Variants in ZFAND1 observed in about 807,000 individuals in gnomAD.
The protein encoded by ZFAND1 is AN1-type zinc finger protein 1.
A neutral mutation model predicts 38.5 loss-of-function variants in ZFAND1; 40 were observed. The ratio of observed to expected loss-of-function variants is 1.04; its 90% confidence interval spans 0.81 to 1.35. ZFAND1 has a LOEUF of 1.35. ZFAND1 is among the 40% of genes most tolerant of loss of function. The pLI is 0.00. For missense variants in ZFAND1, 346 were observed against 316.3 expected (o/e 1.09, Z -0.71); for synonymous variants, 117 against 103.6 (o/e 1.13, Z -0.78).
chr8:81,711,081 C>A (rs1368975470), intron 6 of ZFAND1, among the ~76,000 whole-genome samples: 1 of 152,106 alleles, frequency 6.6e-6, no homozygotes, highest in African/African-American at 2.4e-5. Context: ...AATAAAGACA[C>A]CAAATAAGTA....
intron 6 of ZFAND1, among the ~76,000 whole-genome samples, chr8:81,704,682 C>G (rs1335170285): frequency 6.6e-6 from 1 of 151,838 alleles, no homozygotes; most frequent in East Asian, 1.9e-4. Flanking sequence ...TTTGGCATAA[C>G]AGGAGCATCT....
At chr8:81,720,709 C>T (rs1042935493) in intron 1 of ZFAND1, 1 of 155,580 alleles carries the variant, frequency 6.4e-6, no homozygotes, top group African/African-American at 2.4e-5. Flanking sequence ...AGTGGCAAAG[C>T]CAAAAGACAA....
chr8:81,708,793 T>A (rs903400245), intron 6 of ZFAND1: 6 of 1,263,038 alleles, frequency 4.8e-6, no homozygotes, highest in East Asian at 1.2e-4. Context: ...CTTACCAAGT[T>A]AGTGCTCTTA....
At chr8:81,714,228 A>G in intron 5 of ZFAND1, 189 bp from the exon 6 acceptor site, 2 of 538,276 alleles carry the variant, frequency 3.7e-6, no homozygotes, top group Non-Finnish European at 6.1e-6. Context: ...AGATTGATCT[A>G]GGCAATCTCC....
chr8:81,703,900 G>A (rs1807888368), intron 6 of ZFAND1, among the ~76,000 whole-genome samples: 1 of 152,112 alleles, frequency 6.6e-6, no homozygotes, highest in South Asian at 2.1e-4. Flanking sequence ...CATAATCTGA[G>A]TTCCTGAATT....
chr8:81,719,882 T>C (rs1808424198), intron 1 of ZFAND1, among the ~76,000 whole-genome samples: 1 of 152,130 alleles, frequency 6.6e-6, no homozygotes, highest in Non-Finnish European at 1.5e-5. Flanking sequence ...TAGACACACA[T>C]AATTCACAGT....
At chr8:81,707,533 T>G (rs1283411895) in intron 6 of ZFAND1, among the ~76,000 whole-genome samples, 1 of 152,200 alleles carries the variant, frequency 6.6e-6, no homozygotes, top group African/African-American at 2.4e-5. Flanking sequence ...TGCCCCATTA[T>G]GATAACCTAT....
At chr8:81,713,828 G>A (rs1563608094) in intron 6 of ZFAND1, 90 bp downstream of exon 6, 1 of 1,273,220 alleles carries the variant, frequency 7.9e-7, no homozygotes, top group Non-Finnish European at 1.1e-6. Flanking sequence ...CCAGGTTTAG[G>A]TTAGTTGTTA....
intron 6 of ZFAND1, among the ~76,000 whole-genome samples, chr8:81,705,511 A>T (rs975189563): frequency 3.9e-5 from 6 of 152,358 alleles, no homozygotes; most frequent in African/African-American, 1.4e-4. Flanking sequence ...TTCTGGAGTA[A>T]AACATTCAAA....
At chr8:81,710,999 C>T (rs1176561780) in intron 6 of ZFAND1, among the ~76,000 whole-genome samples, 1 of 152,058 alleles carries the variant, frequency 6.6e-6, no homozygotes, top group Non-Finnish European at 1.5e-5. Flanking sequence ...ATAATTGGTA[C>T]AATTGGGTAA....
At chr8:81,720,341 T>C (rs1004351673) in intron 1 of ZFAND1, among the ~76,000 whole-genome samples, 8 of 152,168 alleles carry the variant, frequency 5.3e-5, no homozygotes, top group Non-Finnish European at 1.2e-4. Flanking sequence ...TGCCATATTA[T>C]TAACTAATTC....
At chr8:81,720,818 G>C (rs1054014665) in intron 1 of ZFAND1, 23 of 261,406 alleles carry the variant, frequency 8.8e-5, no homozygotes, top group Non-Finnish European at 1.5e-4. Context: ...GCTCGGACAC[G>C]GCACACTCGA....
intron 6 of ZFAND1, among the ~76,000 whole-genome samples, chr8:81,703,949 T>C (rs1818351128): frequency 6.6e-6 from 1 of 152,204 alleles, no homozygotes; most frequent in South Asian, 2.1e-4. Context: ...TTCCCCATTA[T>C]ATGAGGAAAA....
Position 81,702,769 on chromosome 8 carries a change from C to A in ZFAND1, c.733G>T (p.Gly245Cys). 6.2e-7 allele frequency: 1 copy of A among 1,604,340 alleles called. No homozygotes were observed. The highest frequency in any genetic ancestry group is 8.5e-7 in the Non-Finnish European group (1 of 1,175,824). The change falls in exon 8 of 8, where the codon GGT (glycine) becomes TGT (cysteine). Residue 245 changes from glycine to cysteine, a missense_variant. Transcript: ENST00000220669. ...AGATATTCCAAGATTATATTTCCAC[C>A]ATTATATAAAGGACAATCCTCCTTA... ...IAKEDCPLYN[G>C]GNIILEYLND...
At position 81,718,239 on chromosome 8, in the gene ZFAND1, A is replaced by C; in HGVS notation, c.56-15T>G. On this transcript the variant is annotated splice_polypyrimidine_tract_variant and intron_variant, in intron 1 of 7. Transcript: ENST00000220669. ...TGGAAGAAAATCTAAAATTGAGAGAAAATGTATATACTGGTCAGTATCTGA... is the reference window on the plus strand; with the variant it reads ...TGGAAGAAAATCTAAAATTGAGAGACAATGTATATACTGGTCAGTATCTGA... 6.4e-7 allele frequency: 1 copy of C among 1,565,400 alleles called. No homozygotes were observed. Among genetic ancestry groups the C allele is most frequent in the Non-Finnish European group, 8.7e-7 (1 of 1,153,270 alleles).
At chr8:81,707,846 C>T (rs1404943515) in intron 6 of ZFAND1, among the ~76,000 whole-genome samples, 2 of 152,114 alleles carry the variant, frequency 1.3e-5, no homozygotes, top group African/African-American at 4.8e-5. Context: ...ACATAGATAA[C>T]TTATTAAATA....
intron 6 of ZFAND1, among the ~76,000 whole-genome samples, chr8:81,706,690 T>A (rs1023232219): frequency 2.6e-5 from 4 of 152,044 alleles, no homozygotes; most frequent in African/African-American, 9.6e-5. Context: ...ATTAAAGCTA[T>A]TCTTATTTGT....
chr8:81,701,450 G>A lies in ZFAND1; in HGVS notation c.*1245C>T, dbSNP rs1436981562. 7.1e-6 allele frequency: 1 copy of A among 140,464 alleles called. No individual in the cohort carries two copies. The allele number at this position is 140,464 out of a possible 1,614,324, so 8.7% of individuals were successfully genotyped here. A position where few individuals can be genotyped will look rare whatever the true frequency, so the allele number is the denominator to read the frequency against. On this transcript the variant is annotated 3_prime_UTR_variant, in exon 8 of 8. Coordinates refer to ENST00000220669, the MANE Select transcript of ZFAND1 (RefSeq NM_024699.3). ...GTAAACATAATTTTTATATGCCCTG[G>A]GAAACAAAAAAAAATTTGTCTGGCT...
intron 4 of ZFAND1, 44 bp from the exon 5 acceptor site, chr8:81,714,939 G>A (rs2130427620): frequency 6.2e-7 from 1 of 1,613,810 alleles, no homozygotes; most frequent in South Asian, 1.1e-5. Flanking sequence ...TGTTTGTATA[G>A]CACTTAAACA....
Sources: allele counts gnomAD v4.1 joint callset (sites outside exome capture counted in the v4.1 genomes callset), GRCh38; gene constraint gnomAD v4.1.1; transcripts MANE v1.5; gene names NCBI Gene and HGNC (gene_info 2026-07-23, HGNC 2026-07-21).